Variants in HHIPL1 observed in about 807,000 individuals in gnomAD.
HHIPL1 encodes HHIP like 1, also known as HHIP-like protein 1.
A neutral mutation model predicts 61.8 loss-of-function variants in HHIPL1; 43 were observed. The ratio of observed to expected loss-of-function variants is 0.70; its 90% CI spans 0.55 to 0.90. The LOEUF is 0.90. Ranked by LOEUF, HHIPL1 falls within the 40% of genes least tolerant of loss-of-function variation. The pLI is 0.00. For missense variants in HHIPL1, 1,056 were observed against 1,157.7 expected (o/e 0.91, Z 1.28); for synonymous variants, 482 against 515.8 (o/e 0.93, Z 0.89).
chr14:99,628,909 G>A, the HHIPL1 span, among the ~76,000 whole-genome samples: 6 of 152,316 alleles, frequency 3.9e-5, no homozygotes, highest in East Asian at 5.8e-4. Context: ...CTGGAAATTC[G>A]AGATGCCAAG....
At chr14:99,614,258 C>G in the HHIPL1 span, among the ~76,000 whole-genome samples, 1 of 152,142 alleles carries the variant, frequency 6.6e-6, no homozygotes, top group African/African-American at 2.4e-5. Context: ...GTGGGTGCCC[C>G]GGAGCCCAGA....
At position 99,668,165 on chromosome 14, in the gene HHIPL1, C is replaced by T. The variant is rs1259749076; in HGVS notation, c.1649-57C>T. The T allele has an allele frequency of 5.6e-6, 6 of 1,067,806 alleles. No homozygotes were observed. Among genetic ancestry groups the T allele is most frequent in the Non-Finnish European group, 8.8e-6 (6 of 683,292 alleles). 66.1% of individuals were successfully genotyped at this position (1,067,806 alleles called of 1,614,324 possible). ...CAGGGAGCCGGGTGGTGAGGCGGGGCTGGCTGGGACGGTATTCCAGGTGGG... is the reference window on the plus strand; with the variant it reads ...CAGGGAGCCGGGTGGTGAGGCGGGGTTGGCTGGGACGGTATTCCAGGTGGG... On this transcript the variant is annotated intron_variant, in intron 6 of 8. Transcript: ENST00000330710. The surrounding 1 kb of genome is among the most constrained non-coding windows in gnomAD (Gnocchi z 4.7).
At position 99,652,887 on chromosome 14, in the gene HHIPL1, A is replaced by T; in HGVS notation, c.902+17A>T. ...CTCTGAGAGGTGGCTTCCTTGGGGA[A>T]CCCGGGCCTGGGTGGGGGCAGGCAC... is the stretch of plus-strand genomic sequence containing the variant. On this transcript the variant is annotated intron_variant, in intron 2 of 8. Transcript: ENST00000330710. The T allele has an allele frequency of 1.2e-6, 2 of 1,606,046 alleles. No homozygotes were observed. Among genetic ancestry groups the T allele is most frequent in the African/African-American group, 1.3e-5 (1 of 74,864 alleles).
chr14:99,624,350 G>T, the HHIPL1 span, among the ~76,000 whole-genome samples: 1 of 152,214 alleles, frequency 6.6e-6, no homozygotes, highest in African/African-American at 2.4e-5. Context: ...GTCTTCATCT[G>T]TGGATGGGTC....
the HHIPL1 span, among the ~76,000 whole-genome samples, chr14:99,619,768 A>G: frequency 2.7e-4 from 37 of 136,578 alleles, no homozygotes; most frequent in Admixed American, 3.0e-3. Flanking sequence ...TATTTAGCCC[A>G]GCCGTGGTGC....
the HHIPL1 span, among the ~76,000 whole-genome samples, chr14:99,621,234 G>T: frequency 2.6e-5 from 4 of 152,130 alleles, no homozygotes; most frequent in Non-Finnish European, 4.4e-5. Flanking sequence ...AAGTAGCTGG[G>T]GCTACAGGCA....
chr14:99,659,503 C>T lies in HHIPL1; in HGVS notation c.1122C>T (p.Pro374=), dbSNP rs561488353. The change falls in exon 4 of 9, where the codon CCC becomes CCT. Residue 374 remains proline (P), a synonymous_variant. Transcript: ENST00000330710. ...KERGLPYGIP[P]DNPFVGDPAA... is the part of the protein sequence containing the mutation. ...GCGGCCTGCCCTACGGCATCCCGCC[C>T]GACAACCCGTTCGTGGGCGACCCCG... The T allele has an allele frequency of 5.2e-5, 80 of 1,541,302 alleles. No homozygotes were observed. In the South Asian group the frequency reaches 8.3e-4, roughly 16 times the overall value.
the HHIPL1 span, among the ~76,000 whole-genome samples, chr14:99,605,090 C>T: frequency 9.2e-5 from 14 of 152,212 alleles, no homozygotes; most frequent in African/African-American, 3.1e-4. Context: ...AACCTGCCCC[C>T]TGCCCGGAGC....
Position 99,675,634 on chromosome 14 carries a change from G to A in HHIPL1, c.*8G>A, listed in dbSNP as rs767994909. 7.3e-6 allele frequency: 11 copies of A among 1,505,416 alleles called. No homozygotes were observed. Among genetic ancestry groups the A allele is most frequent in the Middle Eastern group, 1.7e-4 (1 of 5,732 alleles). 93.3% of individuals were successfully genotyped at this position (1,505,416 alleles called of 1,614,324 possible). A position where few individuals can be genotyped will look rare whatever the true frequency, so the allele number is the denominator to read the frequency against. On this transcript the variant is annotated 3_prime_UTR_variant, in exon 9 of 9. Transcript: ENST00000330710. This position sits in a 1 kb window ranked among gnomAD's most constrained non-coding sequence, Gnocchi z 5.4. ...CAGAACCCCGACCTGTAGGCAACAC[G>A]CCGCTGCCCCAGGCCATCCCGCCGG... is the stretch of plus-strand genomic sequence containing the variant.
chr14:99,661,367 G>A (rs960616413), intron 5 of HHIPL1, among the ~76,000 whole-genome samples: 2 of 150,150 alleles, frequency 1.3e-5, no homozygotes, highest in South Asian at 2.1e-4. Flanking sequence ...ATATCACTTA[G>A]AATCTAGTGT....
At chr14:99,635,019 G>A in the HHIPL1 span, among the ~76,000 whole-genome samples, 8 of 152,070 alleles carry the variant, frequency 5.3e-5, no homozygotes, top group African/African-American at 9.7e-5. Context: ...CCTCCCCTCC[G>A]AGGGGCAAGT....
chr14:99,658,579 G>A (rs1266149427), intron 3 of HHIPL1, among the ~76,000 whole-genome samples: 1 of 152,142 alleles, frequency 6.6e-6, no homozygotes, highest in Non-Finnish European at 1.5e-5. Context: ...ACACCAAAAT[G>A]CTAACAGCAA....
At chr14:99,655,408 G>C (rs1196166368) in intron 2 of HHIPL1, among the ~76,000 whole-genome samples, 1 of 152,142 alleles carries the variant, frequency 6.6e-6, no homozygotes, top group Admixed American at 6.5e-5. Context: ...GATCGCTTGA[G>C]GACAGGAGTT....
chr14:99,634,016 AGCT>A, the HHIPL1 span, among the ~76,000 whole-genome samples: 3 of 152,136 alleles, frequency 2.0e-5, no homozygotes, highest in Non-Finnish European at 4.4e-5. Flanking sequence ...GCAGGAGCAA[AGCT>A]GCCGTTCAGT....
the HHIPL1 span, chr14:99,625,376 G>A: frequency 6.6e-5 from 10 of 152,396 alleles, no homozygotes; most frequent in African/African-American, 2.4e-4. Context: ...CTGGTCTCCT[G>A]ACCACGATGC....
chr14:99,673,009 A>G (rs1389765856), intron 8 of HHIPL1, among the ~76,000 whole-genome samples: 1 of 152,232 alleles, frequency 6.6e-6, no homozygotes, highest in Non-Finnish European at 1.5e-5. Context: ...GAGACACTGC[A>G]GTCCTCGCCT....
In HHIPL1 at chr14:99,651,706, T is replaced by C. The variant is rs572735455; in HGVS notation, c.256-518T>C. Among the ~76,000 whole-genome samples the C allele has an allele frequency of 1.9e-4, 28 of 151,066 alleles. No homozygotes were observed. The South Asian group carries it at 5.7e-3, about 31-fold the overall frequency. ...GAAGGTAGACAGGAGGCTGGAGAGG[T>C]GGGGAGAGGCAGGAGCTGATGATGG... On this transcript the variant is annotated intron_variant, in intron 1 of 8. Coordinates refer to ENST00000330710, the MANE Select transcript of HHIPL1 (RefSeq NM_001127258.3).
chr14:99,668,325 A>C lies in HHIPL1; in HGVS notation c.1730+22A>C, dbSNP rs1165368932. The C allele has an allele frequency of 6.9e-7, 1 of 1,457,348 alleles. No homozygotes were observed. Among genetic ancestry groups the C allele is most frequent in the Admixed American group, 1.7e-5 (1 of 59,834 alleles). 90.3% of individuals were successfully genotyped at this position (1,457,348 alleles called of 1,614,324 possible). On this transcript the variant is annotated intron_variant, in intron 7 of 8. Transcript: ENST00000330710. The surrounding 1 kb of genome is among the most constrained non-coding windows in gnomAD (Gnocchi z 4.7). ...CCAGGTGAGTCCCAGCCTCCAGGACAGGGAGCTCCTGCTGTCTGTCAGGCC... is the reference window on the plus strand; with the variant it reads ...CCAGGTGAGTCCCAGCCTCCAGGACCGGGAGCTCCTGCTGTCTGTCAGGCC...
intron 7 of HHIPL1, among the ~76,000 whole-genome samples, chr14:99,670,473 A>G (rs1204340542): frequency 1.3e-5 from 2 of 151,962 alleles, no homozygotes; most frequent in South Asian, 2.1e-4. Context: ...CTGTTCCAGG[A>G]TCCTGTGTTG....
Sources: gnomAD v4.1 joint callset for allele counts (sites outside exome capture counted in the v4.1 genomes callset) on GRCh38, gnomAD v4.1.1 for gene constraint, Gnocchi (gnomAD v3.1) non-coding constraint, MANE v1.5 for transcripts, NCBI Gene and HGNC (gene_info 2026-07-23, HGNC 2026-07-21) for gene names.